NDUFB10: variants seen among roughly 807,000 people sequenced by gnomAD.
The protein encoded by NDUFB10 is NADH dehydrogenase [ubiquinone] 1 beta subcomplex subunit 10.
NDUFB10 carries 23 observed loss-of-function variants against 19.0 expected under a neutral mutation model. That is an observed-to-expected ratio of 1.21 (90% confidence interval 0.87 to 1.71). The LOEUF (loss-of-function observed/expected upper bound fraction) is 1.71. Among genes scored for constraint, NDUFB10 ranks in the 40% most tolerant of loss-of-function variants. The pLI is 0.00. For missense variants in NDUFB10, 312 were observed against 230.6 expected (o/e 1.35, Z -2.29); for synonymous variants, 104 against 81.8 (o/e 1.27, Z -1.46).
In NDUFB10 at chr16:1,959,676, C is replaced by T; in HGVS notation, c.52C>T (p.Pro18Ser). ...GTACCCTGAGCCCCCGCGCCGCACG[C>T]CGGTGCAGCCCAATCCCATCGTCTA... ...DVYPEPPRRTPVQPNPIVYMM... is the reference protein window; with the variant it reads ...DVYPEPPRRTSVQPNPIVYMM... Residue 18 changes from proline to serine, a missense_variant, in exon 1 of 4, where the codon CCG (proline) becomes TCG (serine). Pro to Ser is a moderately conservative substitution (Grantham distance 74, BLOSUM62 -1). Coordinates refer to ENST00000268668, the MANE Select transcript of NDUFB10 (RefSeq NM_004548.3). 1.2e-6 allele frequency: 2 copies of T among 1,613,238 alleles called. No individual in the cohort carries two copies. The highest frequency in any genetic ancestry group is 1.7e-6 in the Non-Finnish European group (2 of 1,179,728).
chr16:1,961,643 G>GGCCCCCCCCCCCCCC lies in NDUFB10; in HGVS notation c.409+7_409+8insGCCCCCCCCCCCCCC. ...AAGGCCTACCAGGACCGCTGTGCGT[G>GGCCCCCCCCCCCCCC]CCCCACCCACCCCCAACCCCCCACC... On this transcript the variant is annotated splice_region_variant and intron_variant, in intron 3 of 3. Transcript: ENST00000268668. 8.4e-6 allele frequency: 13 copies of GGCCCCCCCCCCCCCC among 1,546,906 alleles called. No individual in the cohort carries two copies. The highest frequency in any genetic ancestry group is 2.3e-4 in the Middle Eastern group (1 of 4,372).
rs897386861 is a variant in NDUFB10 at position 1,961,575 on chromosome 16, G to A, written c.348G>A (p.Gln116=). The part of the protein sequence containing the change: ...ACQQREGQNY[Q]QNCIKEVEQF... ...AGCAGAGGGAAGGACAGAACTACCA[G>A]CAGAACTGTATCAAGGAAGTGGAGC... Residue 116 remains glutamine, a synonymous_variant, in exon 3 of 4, where the codon CAG becomes CAA. Coordinates refer to ENST00000268668, the MANE Select transcript of NDUFB10 (RefSeq NM_004548.3). The A allele has an allele frequency of 1.2e-6, 2 of 1,613,964 alleles. No individual in the cohort carries two copies. The highest frequency in any genetic ancestry group is 2.7e-5 in the African/African-American group (2 of 74,946).
chr16:1,959,541 G>C lies in NDUFB10; in HGVS notation c.-84G>C. On this transcript the variant is annotated 5_prime_UTR_variant, in exon 1 of 4. Transcript: ENST00000268668. ...GCAGCCGCCCTCGGCGTCCTCTGTA[G>C]CGGGCGACCTAGGCCGCGGGACCCG... is the stretch of plus-strand genomic sequence containing the variant. The C allele has an allele frequency of 6.8e-7, 1 of 1,476,608 alleles. No homozygotes were observed. Among genetic ancestry groups the C allele is most frequent in the South Asian group, 1.3e-5 (1 of 75,398 alleles). The allele number at this position is 1,476,608 out of a possible 1,614,324, so 91.5% of individuals were successfully genotyped here.
intron 1 of NDUFB10, 123 bp from the exon 2 acceptor site, chr16:1,961,030 T>C (rs563787488): frequency 1.6e-6 from 2 of 1,252,642 alleles, no homozygotes; most frequent in South Asian, 1.5e-5. Context: ...ATTGCTGTTT[T>C]CTAAACGCTG....
chr16:1,961,549 C>T lies in NDUFB10; in HGVS notation c.322C>T (p.Gln108Ter). Reference protein sequence around the residue: ...NIMQDRLKACQQREGQNYQQN... With the variant: ...NIMQDRLKAC Reference sequence around the variant, plus strand: ...TATGCAGGATCGGCTCAAAGCCTGTCAGCAGAGGGAAGGACAGAACTACCA... The same window carrying T: ...TATGCAGGATCGGCTCAAAGCCTGTTAGCAGAGGGAAGGACAGAACTACCA... The change falls in exon 3 of 4, where the codon CAG (glutamine) becomes TAG (stop). Residue 108 changes from glutamine to a stop codon, truncating the protein, a stop_gained. Coordinates refer to ENST00000268668, the MANE Select transcript of NDUFB10 (RefSeq NM_004548.3). LOFTEE classifies it high-confidence loss of function. The T allele has an allele frequency of 6.2e-7, 1 of 1,614,078 alleles. No individual in the cohort carries two copies.
intron 2 of NDUFB10, 81 bp downstream of exon 2, chr16:1,961,372 A>G: frequency 6.2e-7 from 1 of 1,600,866 alleles, no homozygotes; most frequent in Non-Finnish European, 8.5e-7. Context: ...ACAGGGTGGC[A>G]TGCCCAGATT....
Position 1,961,643 on chromosome 16 carries a change from G to GGGCCCCCCCCCCCCCCCCCCCCCCCCCCC in NDUFB10, c.409+7_409+8insGGCCCCCCCCCCCCCCCCCCCCCCCCCCC. The GGGCCCCCCCCCCCCCCCCCCCCCCCCCCC allele has an allele frequency of 6.5e-7, 1 of 1,547,230 alleles. No homozygotes were observed. Among genetic ancestry groups the GGGCCCCCCCCCCCCCCCCCCCCCCCCCCC allele is most frequent in the East Asian group, 2.3e-5 (1 of 42,896 alleles). ...AAGGCCTACCAGGACCGCTGTGCGT[G>GGGCCCCCCCCCCCCCCCCCCCCCCCCCCC]CCCCACCCACCCCCAACCCCCCACC... is the stretch of plus-strand genomic sequence containing the variant. On this transcript the variant is annotated splice_region_variant and intron_variant, in intron 3 of 3. Transcript: ENST00000268668.
Position 1,961,643 on chromosome 16 carries a change from G to GCCCCCCCCCCCCCCCCC in NDUFB10, c.409+11_409+12insCCCCCCCCCCCCCCCCC. 1 of 1,547,244 alleles carries GCCCCCCCCCCCCCCCCC rather than the reference G, an allele frequency of 6.5e-7. No individual in the cohort carries two copies. Among genetic ancestry groups the GCCCCCCCCCCCCCCCCC allele is most frequent in the Non-Finnish European group, 8.8e-7 (1 of 1,141,076 alleles). ...AAGGCCTACCAGGACCGCTGTGCGTGCCCCACCCACCCCCAACCCCCCACC... is the reference window on the plus strand; with the variant it reads ...AAGGCCTACCAGGACCGCTGTGCGTGCCCCCCCCCCCCCCCCCCCCCACCCACCCCCAACCCCCCACC... On this transcript the variant is annotated splice_region_variant and intron_variant, in intron 3 of 3. Coordinates refer to ENST00000268668, the MANE Select transcript of NDUFB10 (RefSeq NM_004548.3).
intron 1 of NDUFB10, 62 bp from the exon 2 acceptor site, chr16:1,961,091 A>T: frequency 6.3e-7 from 1 of 1,583,664 alleles, no homozygotes; most frequent in East Asian, 2.2e-5. Flanking sequence ...TATGAGAAAT[A>T]AGAAAGCTAA....
chr16:1,961,772 C>T (rs923778298), intron 3 of NDUFB10, 25 bp from the exon 4 acceptor site: 1 of 1,548,924 alleles, frequency 6.5e-7, no homozygotes, highest in Non-Finnish European at 8.7e-7. Flanking sequence ...CCTCGGTTCC[C>T]AGCTTGTTTC....
chr16:1,959,769 C>T lies in NDUFB10; in HGVS notation c.130+15C>T, dbSNP rs975334266. ...CCTCGTGAGAGGTACGAAGCCCCAGCCCGGGGCTCCCTCGCCGGCCTCTGG... is the reference window on the plus strand; with the variant it reads ...CCTCGTGAGAGGTACGAAGCCCCAGTCCGGGGCTCCCTCGCCGGCCTCTGG... On this transcript the variant is annotated intron_variant, in intron 1 of 3. Transcript: ENST00000268668. 4 of 1,612,434 alleles carry T rather than the reference C, an allele frequency of 2.5e-6. No homozygotes were observed. The highest frequency in any genetic ancestry group is 3.4e-6 in the Non-Finnish European group (4 of 1,179,476).
intron 1 of NDUFB10, 152 bp from the exon 2 acceptor site, chr16:1,961,001 A>G (rs1054523313): frequency 1.2e-5 from 11 of 955,336 alleles, no homozygotes; most frequent in African/African-American, 1.0e-4. Context: ...CTGGCTGGCC[A>G]CATCCCTTAG....
chr16:1,961,555 AG>A lies in NDUFB10; in HGVS notation c.331del (p.Glu111LysfsTer81). 4 of 1,614,114 alleles carry A rather than the reference AG, an allele frequency of 2.5e-6. No individual in the cohort carries two copies. In the South Asian group the frequency reaches 3.3e-5, roughly 13 times the overall value. ...GGATCGGCTCAAAGCCTGTCAGCAGAGGGAAGGACAGAACTACCAGCAGAAC... is the reference window on the plus strand; with the variant it reads ...GGATCGGCTCAAAGCCTGTCAGCAGAGGAAGGACAGAACTACCAGCAGAAC... ...MQDRLKACQQ[R>X]EGQNYQQNCI... On this transcript the variant is annotated frameshift_variant, in exon 3 of 4. Coordinates refer to ENST00000268668, the MANE Select transcript of NDUFB10 (RefSeq NM_004548.3). LOFTEE classifies it high-confidence loss of function.
chr16:1,959,603 G>A lies in NDUFB10; in HGVS notation c.-22G>A, dbSNP rs763901871. 7 of 1,599,316 alleles carry A rather than the reference G, an allele frequency of 4.4e-6. No homozygotes were observed. In the African/African-American group the frequency reaches 5.4e-5, roughly 12 times the overall value. ...AGGCCAGGGCAGCGCGTCCGGGAGC[G>A]GAGTCCGCGCCCGCCGCCGCCATGC... On this transcript the variant is annotated 5_prime_UTR_variant, in exon 1 of 4. Transcript: ENST00000268668.
At position 1,961,328 on chromosome 16, in the gene NDUFB10, CGT is replaced by C. The variant is rs769996786; in HGVS notation, c.269+41_269+42del. 3.7e-6 allele frequency: 6 copies of C among 1,611,302 alleles called. No individual in the cohort carries two copies. The Admixed American group carries it at 1.0e-4, about 27-fold the overall frequency. On this transcript the variant is annotated intron_variant, in intron 2 of 3. Coordinates refer to ENST00000268668, the MANE Select transcript of NDUFB10 (RefSeq NM_004548.3). Reference sequence around the variant, plus strand: ...ATGCTGGGAGTGTGGAGATCTGCACCGTGTGCTGCTGGGACACTAGTCCCTGG... The same window carrying C: ...ATGCTGGGAGTGTGGAGATCTGCACCGTGCTGCTGGGACACTAGTCCCTGG...
chr16:1,961,352 C>CTGGGATGCCACAGGG, intron 2 of NDUFB10, 61 bp downstream of exon 2: 1 of 1,607,322 alleles, frequency 6.2e-7, no homozygotes, highest in Non-Finnish European at 8.5e-7. Flanking sequence ...ACACTAGTCC[C>CTGGGATGCCACAGGG]TGGGATGCCA....
chr16:1,961,479 G>T lies in NDUFB10; in HGVS notation c.270-18G>T, dbSNP rs767326240. 3 of 1,613,494 alleles carry T rather than the reference G, an allele frequency of 1.9e-6. No homozygotes were observed. The South Asian group carries it at 3.3e-5, about 18-fold the overall frequency. On this transcript the variant is annotated intron_variant, in intron 2 of 3. Coordinates refer to ENST00000268668, the MANE Select transcript of NDUFB10 (RefSeq NM_004548.3). ...GGATTCCTTGTGATTAGCCTCTCTTGCTCCTTTTCTCCACCAGCAAAGTCG... is the reference window on the plus strand; with the variant it reads ...GGATTCCTTGTGATTAGCCTCTCTTTCTCCTTTTCTCCACCAGCAAAGTCG...
intron 3 of NDUFB10, 23 bp downstream of exon 3, chr16:1,961,659 A>ACCCCCCCCCAT: frequency 1.3e-6 from 1 of 779,196 alleles, no homozygotes; most frequent in East Asian, 5.4e-5. Flanking sequence ...CCCACCCCCA[A>ACCCCCCCCCAT]CCCCCCACCA....
At chr16:1,961,463 G>T (rs774281756) in intron 2 of NDUFB10, 34 bp from the exon 3 acceptor site, 1 of 1,611,852 alleles carries the variant, frequency 6.2e-7, no homozygotes, top group African/African-American at 1.3e-5. Context: ...AGGATTCCTT[G>T]TGATTAGCCT....
Sources: gnomAD v4.1 joint callset for allele counts on GRCh38, gnomAD v4.1.1 for gene constraint, MANE v1.5 for transcripts, NCBI Gene and HGNC (gene_info 2026-07-23, HGNC 2026-07-21) for gene names.